Variants in CACNA2D1 observed in about 807,000 individuals in gnomAD.
CACNA2D1 encodes the protein voltage-dependent calcium channel subunit alpha-2/delta-1.
Under a neutral mutation model 171.5 loss-of-function variants are expected in CACNA2D1, and 53 were observed. The ratio of observed to expected loss-of-function variants is 0.31; its 90% CI spans 0.25 to 0.39. The LOEUF is 0.39. CACNA2D1 is among the 10% of genes least tolerant of loss of function. The probability of loss-of-function intolerance (pLI) is 1.00; values close to 1 mark genes in which losing one functional copy is unlikely to be tolerated. For missense variants in CACNA2D1, 903 were observed against 1,299.8 expected, an observed-to-expected ratio of 0.69 and a Z score of 4.69; for synonymous variants, 442 against 443.1, an observed-to-expected ratio of 1.00 and a Z score of 0.03.
At chr7:82,184,158 A>G (rs1228942908) in intron 3 of CACNA2D1, among the ~76,000 whole-genome samples, 1 of 140,196 alleles carries the variant, frequency 7.1e-6, no homozygotes, top group Admixed American at 7.8e-5. Flanking sequence ...CTGTGGAAAC[A>G]TCGGTTTCCT....
chr7:82,321,300 A>G (rs1320834582), intron 3 of CACNA2D1, among the ~76,000 whole-genome samples: 2 of 152,022 alleles, frequency 1.3e-5, no homozygotes, highest in Non-Finnish European at 2.9e-5. Context: ...TCGGGAGGCT[A>G]AGGCAGAAGA....
chr7:82,149,450 C>T (rs1164337071), intron 4 of CACNA2D1, among the ~76,000 whole-genome samples: 5 of 152,000 alleles, frequency 3.3e-5, no homozygotes, highest in Non-Finnish European at 5.9e-5. Flanking sequence ...ACAACTGGGG[C>T]TGTTTCCCTA....
chr7:82,177,068 A>ATTTTTTT (rs1181991934), intron 3 of CACNA2D1, among the ~76,000 whole-genome samples: 1 of 55,230 alleles, frequency 1.8e-5, no homozygotes, highest in Non-Finnish European at 3.0e-5. Context: ...ACAGGTCTCT[A>ATTTTTTT]TTTTTTTTTT....
chr7:82,166,902 T>C (rs1187338218), intron 4 of CACNA2D1, among the ~76,000 whole-genome samples: 1 of 152,082 alleles, frequency 6.6e-6, no homozygotes, highest in Non-Finnish European at 1.5e-5. Context: ...AAGTCCTTTG[T>C]TGTTGCCAGC....
intron 22 of CACNA2D1, among the ~76,000 whole-genome samples, chr7:81,984,113 G>C (rs1391460114): frequency 6.6e-6 from 1 of 152,040 alleles, no homozygotes. Flanking sequence ...ATTACGAAAA[G>C]AAAGTTAATT....
rs192328008 is a variant in CACNA2D1, at chr7:82,083,817, T to C, written c.658+952A>G. On this transcript the variant is annotated intron_variant, in intron 7 of 38. Coordinates refer to ENST00000356860, the MANE Select transcript of CACNA2D1 (RefSeq NM_000722.4). ...TTCATTCATTGCTATAATATTACAATCCAAACTTATATATTTTCTAATTTT... is the reference window on the plus strand; with the variant it reads ...TTCATTCATTGCTATAATATTACAACCCAAACTTATATATTTTCTAATTTT... Among the ~76,000 whole-genome samples the C allele has an allele frequency of 4.2e-3, 642 of 152,260 alleles. 8 individuals carry two copies. Among genetic ancestry groups the C allele is most frequent in the African/African-American group, 0.015 (623 of 41,566 alleles).
At chr7:82,044,355 GT>G (rs1804298689) in intron 10 of CACNA2D1, among the ~76,000 whole-genome samples, 1 of 152,044 alleles carries the variant, frequency 6.6e-6, no homozygotes, top group Non-Finnish European at 1.5e-5. Context: ...TGAAAAAATT[GT>G]TCAATATTTA....
At chr7:82,317,779 G>A (rs1478715280) in intron 3 of CACNA2D1, among the ~76,000 whole-genome samples, 1 of 151,918 alleles carries the variant, frequency 6.6e-6, no homozygotes, top group Admixed American at 6.6e-5. Flanking sequence ...ATTAAAGAAA[G>A]AGCAATCTCC....
intron 7 of CACNA2D1, among the ~76,000 whole-genome samples, chr7:82,076,114 G>A (rs145332554): frequency 4.7e-4 from 71 of 152,100 alleles, no homozygotes; most frequent in African/African-American, 1.6e-3. Context: ...CAATTATTAC[G>A]ACCATTATCT....
Position 81,950,457 on chromosome 7 carries a change from A to G in CACNA2D1, c.3211T>C (p.Tyr1071His), listed in dbSNP as rs2129931750. Residue 1071 changes from tyrosine to histidine, a missense_variant, in exon 39 of 39, where the codon TAT becomes CAT. By Grantham distance (83) the Tyr-to-His change is moderately conservative. Coordinates refer to ENST00000356860, the MANE Select transcript of CACNA2D1 (RefSeq NM_000722.4). ...GVSGLNPSLW[Y>H]IIGIQFLLLW... ...AGTAGAAACTGGATTCCAATGATAT[A>G]CCACAGGGAGGGATTTAATCCAGAA... 6.2e-7 allele frequency: 1 copy of G among 1,613,232 alleles called. No individual in the cohort carries two copies. The highest frequency in any genetic ancestry group is 2.2e-5 in the East Asian group (1 of 44,844).
chr7:82,308,922 A>C (rs370260049), intron 3 of CACNA2D1, among the ~76,000 whole-genome samples: 1 of 152,232 alleles, frequency 6.6e-6, no homozygotes, highest in African/African-American at 2.4e-5. Context: ...GCAATGAAAC[A>C]GGTGATCTGA....
intron 6 of CACNA2D1, among the ~76,000 whole-genome samples, chr7:82,104,476 T>C (rs1813073576): frequency 6.6e-6 from 1 of 152,050 alleles, no homozygotes; most frequent in African/African-American, 2.4e-5. Context: ...TATTATATTC[T>C]TATGAAAGAC....
intron 5 of CACNA2D1, among the ~76,000 whole-genome samples, chr7:82,119,996 A>G (rs1789523235): frequency 1.3e-5 from 2 of 152,160 alleles, no homozygotes; most frequent in Admixed American, 1.3e-4. Flanking sequence ...ATCCTGGACA[A>G]CATAGTGAGG....
At chr7:82,049,690 T>C (rs1200943602) in intron 10 of CACNA2D1, among the ~76,000 whole-genome samples, 1 of 152,182 alleles carries the variant, frequency 6.6e-6, no homozygotes, top group Non-Finnish European at 1.5e-5. Context: ...GATGCTGCAT[T>C]TGTACCCATT....
chr7:82,058,102 T>C lies in CACNA2D1; in HGVS notation c.879+2326A>G, dbSNP rs141009572. ...GCTGCTACCTAAAACCTCAGCTCCT[T>C]TGCATTTGGGGCAGGTTAACTCTGA... is the stretch of plus-strand genomic sequence containing the variant. On this transcript the variant is annotated intron_variant, in intron 10 of 38. Transcript: ENST00000356860. 3.5e-3 allele frequency among the ~76,000 whole-genome samples: 536 copies of C among 152,226 alleles called. 4 individuals are homozygous for C. The highest frequency in any genetic ancestry group is 0.01 in the Middle Eastern group (3 of 294).
chr7:82,290,894 TGAAA>T (rs1309928962), intron 3 of CACNA2D1, among the ~76,000 whole-genome samples: 1 of 151,380 alleles, frequency 6.6e-6, no homozygotes, highest in Non-Finnish European at 1.5e-5. Flanking sequence ...CCGCACCCAG[TGAAA>T]GCATTATTTT....
intron 1 of CACNA2D1, among the ~76,000 whole-genome samples, chr7:82,399,532 TAAC>T (rs1193689100): frequency 1.2e-4 from 19 of 152,270 alleles, no homozygotes; most frequent in African/African-American, 4.6e-4. Context: ...AAAAAGTTCT[TAAC>T]AATGATAAAA....
intron 4 of CACNA2D1, among the ~76,000 whole-genome samples, chr7:82,137,152 A>G (rs913039090): frequency 6.6e-6 from 1 of 152,210 alleles, no homozygotes; most frequent in Non-Finnish European, 1.5e-5. Context: ...CAGAAAAGAA[A>G]TGATGAGCAC....
intron 4 of CACNA2D1, among the ~76,000 whole-genome samples, chr7:82,146,127 C>A (rs1793007369): frequency 6.6e-6 from 1 of 151,582 alleles, no homozygotes; most frequent in African/African-American, 2.4e-5. Context: ...GTGGTCACAT[C>A]GAAAGATAAT....
Sources: allele counts gnomAD v4.1 joint callset (sites outside exome capture counted in the v4.1 genomes callset), GRCh38; gene constraint gnomAD v4.1.1; transcripts MANE v1.5; gene names NCBI Gene and HGNC (gene_info 2026-07-23, HGNC 2026-07-21).